Variants in LRP1B observed in about 807,000 individuals in gnomAD.
LRP1B encodes low-density lipoprotein receptor-related protein 1B.
Under a neutral mutation model 556.6 loss-of-function variants are expected in LRP1B, and 217 were observed. The observed-to-expected ratio is 0.39, with a 90% CI of 0.35 to 0.44. The LOEUF is 0.44. LRP1B is among the 20% of genes least tolerant of loss of function. The pLI is 1.00. For synonymous variants in LRP1B, 2,047 were observed against 1,865.8 expected (o/e 1.10, Z -2.50); for missense variants, 5,053 against 5,620.8 (o/e 0.90, Z 3.23).
intron 3 of LRP1B, among the ~76,000 whole-genome samples, chr2:141,277,312 G>A (rs936656745): frequency 6.6e-6 from 1 of 151,998 alleles, no homozygotes; most frequent in African/African-American, 2.4e-5. Context: ...TTATTTTTAG[G>A]CTTTTTAATA....
rs762091688 is a variant in LRP1B, at chr2:142,039,764, T to C, written c.82+90884A>G. 5.2e-4 allele frequency among the ~76,000 whole-genome samples: 79 copies of C among 151,572 alleles called. 1 individual carries two copies. The highest frequency in any genetic ancestry group is 7.3e-4 in the Admixed American group (11 of 15,156). ...TTGACTTTGCTTCTGTCATTCATCATATTCACTATTTCTCATTGCTTTGTA... is the reference window on the plus strand; with the variant it reads ...TTGACTTTGCTTCTGTCATTCATCACATTCACTATTTCTCATTGCTTTGTA... On this transcript the variant is annotated intron_variant, in intron 1 of 90. Coordinates refer to ENST00000389484, the MANE Select transcript of LRP1B (RefSeq NM_018557.3).
At position 141,015,935 on chromosome 2, in the gene LRP1B, AC is replaced by A; in HGVS notation, c.1971-21del. 1.3e-6 allele frequency: 2 copies of A among 1,567,010 alleles called. No homozygotes were observed. Among genetic ancestry groups the A allele is most frequent in the African/African-American group, 2.7e-5 (2 of 74,044 alleles). Reference sequence around the variant, plus strand: ...ATCCAACTAAGACATTAAAAAAACAACAAAAATGCATACATGTTATTACAAC... The same window carrying A: ...ATCCAACTAAGACATTAAAAAAACAAAAAAATGCATACATGTTATTACAAC... On this transcript the variant is annotated intron_variant, in intron 12 of 90. Transcript: ENST00000389484.
At chr2:141,727,941 G>C (rs970930094) in intron 2 of LRP1B, among the ~76,000 whole-genome samples, 4 of 151,994 alleles carry the variant, frequency 2.6e-5, no homozygotes, top group African/African-American at 9.7e-5. Flanking sequence ...TGTTTTTGTT[G>C]TTCTTTTGTT....
intron 18 of LRP1B, among the ~76,000 whole-genome samples, chr2:140,966,081 G>A (rs1414690024): frequency 6.6e-6 from 1 of 152,124 alleles, no homozygotes; most frequent in African/African-American, 2.4e-5. Flanking sequence ...GTAATGGGAT[G>A]GCTGGGTCAA....
intron 1 of LRP1B, among the ~76,000 whole-genome samples, chr2:141,984,124 T>C (rs943179374): frequency 3.9e-5 from 6 of 152,050 alleles, no homozygotes; most frequent in Admixed American, 2.0e-4. Flanking sequence ...AGGTGACAGA[T>C]TGACAAAGAG....
intron 5 of LRP1B, among the ~76,000 whole-genome samples, chr2:141,237,545 C>T (rs1378753976): frequency 6.6e-6 from 1 of 151,950 alleles, no homozygotes; most frequent in African/African-American, 2.4e-5. Context: ...TAAAAACTCA[C>T]TCAGGTAAAC....
At chr2:141,982,513 A>G (rs1040351153) in intron 1 of LRP1B, among the ~76,000 whole-genome samples, 15 of 152,144 alleles carry the variant, frequency 9.9e-5, no homozygotes, top group Admixed American at 9.2e-4. Flanking sequence ...TGTGAAATAT[A>G]TTCATTCTTA....
At chr2:140,339,842 TA>T (rs77325006) in intron 77 of LRP1B, among the ~76,000 whole-genome samples, 3 of 151,286 alleles carry the variant, frequency 2.0e-5, no homozygotes, top group East Asian at 3.9e-4. Context: ...TGTACGCGAT[TA>T]AAAAAAACTA....
chr2:140,496,615 G>A (rs984280048), intron 55 of LRP1B, among the ~76,000 whole-genome samples: 5 of 151,942 alleles, frequency 3.3e-5, no homozygotes, highest in African/African-American at 1.2e-4. Context: ...ATTATGCCAC[G>A]TGTATTTTTT....
chr2:140,401,570 G>A (rs1199016828), intron 66 of LRP1B, among the ~76,000 whole-genome samples: 1 of 152,192 alleles, frequency 6.6e-6, no homozygotes. Context: ...GCCTGGCTAT[G>A]CATCTCCACC....
chr2:141,184,519 T>C (rs11886842), intron 7 of LRP1B, among the ~76,000 whole-genome samples: 4,126 of 151,910 alleles, frequency 0.027, 182 homozygotes, highest in African/African-American at 0.094. Context: ...CCTCACTAAG[T>C]TTCCCCCAGT....
At chr2:141,785,688 G>A (rs138489573) in intron 2 of LRP1B, among the ~76,000 whole-genome samples, 7 of 150,550 alleles carry the variant, frequency 4.6e-5, no homozygotes, top group East Asian at 2.0e-4. Flanking sequence ...TAGGAGAGAC[G>A]GAGCAGAAAT....
chr2:140,256,769 T>A (rs1194301957), intron 86 of LRP1B, among the ~76,000 whole-genome samples: 1 of 151,830 alleles, frequency 6.6e-6, no homozygotes, highest in African/African-American at 2.4e-5. Context: ...GCCCAACCCT[T>A]CTTTTTCTTT....
intron 11 of LRP1B, among the ~76,000 whole-genome samples, chr2:141,031,260 C>A (rs1698360937): frequency 1.3e-5 from 1 of 79,884 alleles, no homozygotes; most frequent in South Asian, 4.0e-4. Flanking sequence ...ATCACACACA[C>A]ACACACACAC....
chr2:140,293,873 C>A (rs1015921577), intron 84 of LRP1B, among the ~76,000 whole-genome samples: 1 of 152,088 alleles, frequency 6.6e-6, no homozygotes, highest in South Asian at 2.1e-4. Flanking sequence ...GGACCTTGAG[C>A]AAGTTATTTA....
intron 3 of LRP1B, among the ~76,000 whole-genome samples, chr2:141,345,989 A>T (rs915840516): frequency 6.6e-6 from 1 of 151,772 alleles, no homozygotes; most frequent in Non-Finnish European, 1.5e-5. Context: ...GATAGTTTTC[A>T]TTTCCAAGGG....
chr2:141,103,841 G>A (rs1348691551), intron 7 of LRP1B, among the ~76,000 whole-genome samples: 3 of 151,630 alleles, frequency 2.0e-5, no homozygotes, highest in African/African-American at 7.3e-5. Context: ...TTGGTTTCTG[G>A]TGGTTTTGGT....
chr2:141,989,393 AAAAC>A (rs1702282900), intron 1 of LRP1B, among the ~76,000 whole-genome samples: 1 of 152,122 alleles, frequency 6.6e-6, no homozygotes, highest in South Asian at 2.1e-4. Context: ...CATTCACAAG[AAAAC>A]AAAGAAAAAC....
In LRP1B at chr2:141,171,341, C is replaced by T. The variant is rs190421615; in HGVS notation, c.1013+17080G>A. ...TTCTCAGTACTCCACCTATTCATCC[C>T]TTCCCTCTTCCCCACCCCAGTCCCT... On this transcript the variant is annotated intron_variant, in intron 7 of 90. Transcript: ENST00000389484. Among the ~76,000 whole-genome samples, 8 of 152,188 alleles carry T rather than the reference C, an allele frequency of 5.3e-5. No homozygotes were observed. In the East Asian group the frequency reaches 1.6e-3, roughly 30 times the overall value.
Sources: gnomAD v4.1 joint callset for allele counts (sites outside exome capture counted in the v4.1 genomes callset) on GRCh38, gnomAD v4.1.1 for gene constraint, MANE v1.5 for transcripts, NCBI Gene and HGNC (gene_info 2026-07-23, HGNC 2026-07-21) for gene names.